The following BMPR2 variants were observed in gnomAD, a reference collection of about 807,000 sequenced individuals.
BMPR2 encodes the protein bone morphogenetic protein receptor type-2.
In BMPR2, 29 loss-of-function variants were observed where a neutral mutation model predicts 100.8. The ratio of observed to expected loss-of-function variants is 0.29; its 90% CI spans 0.21 to 0.39. The LOEUF (loss-of-function observed/expected upper bound fraction) is 0.39. Ranked by LOEUF, BMPR2 falls within the 10% of genes least tolerant of loss-of-function variation. The pLI is 1.00. For missense variants in BMPR2, 1,011 were observed against 1,274.5 expected (o/e 0.79, Z 3.15); for synonymous variants, 382 against 442.3 (o/e 0.86, Z 1.71).
Position 202,520,118 on chromosome 2 carries a change from C to G in BMPR2, c.884C>G (p.Thr295Arg). 1 of 1,612,580 alleles carries G rather than the reference C, an allele frequency of 6.2e-7. No homozygotes were observed. Among genetic ancestry groups the G allele is most frequent in the Non-Finnish European group, 8.5e-7 (1 of 1,179,764 alleles). The part of the protein sequence containing the change: ...GSLCKYLSLH[T>R]SDWVSSCRLA... ...TTATGCAAGTATTTAAGTCTCCACA[C>G]AAGTGACTGGGTAAGCTCTTGCCGT... is the stretch of plus-strand genomic sequence containing the variant. The change falls in exon 7 of 13, where the codon ACA becomes AGA. Residue 295 changes from threonine (T) to arginine (R), a missense_variant. Transcript: ENST00000374580.
intron 3 of BMPR2, among the ~76,000 whole-genome samples, chr2:202,510,982 GT>G (rs370738313): frequency 0.081 from 10,745 of 131,948 alleles, 453 homozygotes; most frequent in Middle Eastern, 0.15. Context: ...CCTGGCTTTA[GT>G]TTTTTTTTTT....
chr2:202,492,112 A>C (rs1031230089), intron 3 of BMPR2, among the ~76,000 whole-genome samples: 2 of 152,206 alleles, frequency 1.3e-5, no homozygotes, highest in African/African-American at 4.8e-5. Flanking sequence ...GCATTCAGTG[A>C]TAGTAATACT....
At chr2:202,541,949 TA>T (rs1263971376) in intron 9 of BMPR2, among the ~76,000 whole-genome samples, 3 of 151,830 alleles carry the variant, frequency 2.0e-5, no homozygotes, top group Admixed American at 2.0e-4. Flanking sequence ...CTATCTCTAC[TA>T]AAATATGAAA....
chr2:202,486,754 G>A (rs1692787012), intron 3 of BMPR2, among the ~76,000 whole-genome samples: 1 of 152,158 alleles, frequency 6.6e-6, no homozygotes, highest in African/African-American at 2.4e-5. Context: ...GACTGGGCAT[G>A]GTGGTTTACA....
In BMPR2 at chr2:202,456,063, C is replaced by CAAAAAAAA. The variant is rs750470872; in HGVS notation, c.77-8714_77-8707dup. On this transcript the variant is annotated intron_variant, in intron 1 of 12. Coordinates refer to ENST00000374580, the MANE Select transcript of BMPR2 (RefSeq NM_001204.7). ...CTGGGCAACAGGGTGAGACCCGTCTCAAAAAAAAAAAAAAAAAAAAAAAAA... is the reference window on the plus strand; with the variant it reads ...CTGGGCAACAGGGTGAGACCCGTCTCAAAAAAAAAAAAAAAAAAAAAAAAAAAAAAAAA... Among the ~76,000 whole-genome samples, 5 of 36,764 alleles carry CAAAAAAAA rather than the reference C, an allele frequency of 1.4e-4. 1 individual carries two copies. Among genetic ancestry groups the CAAAAAAAA allele is most frequent in the Admixed American group, 1.0e-3 (3 of 2,904 alleles). The allele number at this position is 36,764 out of a possible 152,430, so 24.1% of individuals were successfully genotyped here.
At chr2:202,496,553 T>C (rs1205833932) in intron 3 of BMPR2, among the ~76,000 whole-genome samples, 1 of 152,234 alleles carries the variant, frequency 6.6e-6, no homozygotes, top group African/African-American at 2.4e-5. Context: ...ACTTGTTCAC[T>C]GAAATGTTTT....
chr2:202,405,802 T>A (rs895234884), intron 1 of BMPR2, among the ~76,000 whole-genome samples: 3 of 151,914 alleles, frequency 2.0e-5, no homozygotes, highest in Admixed American at 6.6e-5. Context: ...TTTAAAAAAA[T>A]TTATCATCTA....
At chr2:202,434,898 AAAAAAAAAAAATATATAT>A (rs1202966612) in intron 1 of BMPR2, among the ~76,000 whole-genome samples, 13 of 66,018 alleles carry the variant, frequency 2.0e-4, no homozygotes, top group South Asian at 7.1e-4. Flanking sequence ...AAAAAAAAAA[AAAAAAAAAAAATATATAT>A]ATATATATAT....
At chr2:202,451,329 T>A (rs1432676031) in intron 1 of BMPR2, among the ~76,000 whole-genome samples, 1 of 152,216 alleles carries the variant, frequency 6.6e-6, no homozygotes, top group Non-Finnish European at 1.5e-5. Context: ...CTATATGTTG[T>A]CCTATTCAGC....
intron 1 of BMPR2, among the ~76,000 whole-genome samples, chr2:202,433,253 A>G (rs539274756): frequency 3.3e-5 from 5 of 150,554 alleles, no homozygotes; most frequent in Admixed American, 6.6e-5. Context: ...GAGTAAGTAG[A>G]TAGGTAGGTA....
At chr2:202,497,010 G>A (rs1426476461) in intron 3 of BMPR2, among the ~76,000 whole-genome samples, 5 of 152,246 alleles carry the variant, frequency 3.3e-5, no homozygotes, top group East Asian at 1.9e-4. Flanking sequence ...CGGAGCAGCC[G>A]GCCAGCCCTG....
At chr2:202,418,953 G>C (rs1005515851) in intron 1 of BMPR2, among the ~76,000 whole-genome samples, 2 of 152,166 alleles carry the variant, frequency 1.3e-5, no homozygotes, top group Non-Finnish European at 2.9e-5. Context: ...CATATTTGGG[G>C]TTAAAATATT....
chr2:202,566,451 C>G lies in BMPR2; in HGVS notation c.*6505C>G, dbSNP rs886055493. ...ATTAATTATAAAAAGTTGCCCAGTT[C>G]TGTAATTACTGAACAGAGGGAATGA... is the stretch of plus-strand genomic sequence containing the variant. On this transcript the variant is annotated 3_prime_UTR_variant, in exon 13 of 13. Transcript: ENST00000374580. 2.0e-5 allele frequency: 3 copies of G among 152,554 alleles called. No homozygotes were observed. The highest frequency in any genetic ancestry group is 4.4e-5 in the Non-Finnish European group (3 of 68,002). The allele number at this position is 152,554 out of a possible 1,614,324, so 9.5% of individuals were successfully genotyped here.
intron 3 of BMPR2, 89 bp from the exon 4 acceptor site, chr2:202,513,630 G>T: frequency 1.1e-5 from 10 of 882,094 alleles, no homozygotes; most frequent in South Asian, 4.3e-5. Flanking sequence ...ATTATACATG[G>T]GTACAGCCTT....
intron 1 of BMPR2, among the ~76,000 whole-genome samples, chr2:202,379,601 G>T (rs1315653320): frequency 6.6e-6 from 1 of 152,186 alleles, no homozygotes; most frequent in African/African-American, 2.4e-5. Context: ...GCCTAATATT[G>T]AAGTGGCTAG....
intron 1 of BMPR2, among the ~76,000 whole-genome samples, chr2:202,386,881 C>T (rs1282579541): frequency 2.0e-5 from 3 of 152,102 alleles, no homozygotes; most frequent in Non-Finnish European, 2.9e-5. Flanking sequence ...GACGGGATTT[C>T]ACTGTGTTAG....
At chr2:202,470,934 CTG>C in intron 3 of BMPR2, among the ~76,000 whole-genome samples, 1 of 152,238 alleles carries the variant, frequency 6.6e-6, no homozygotes, top group South Asian at 2.1e-4. Flanking sequence ...TGGCACACGC[CTG>C]TAGTCCCAGC....
intron 1 of BMPR2, among the ~76,000 whole-genome samples, chr2:202,435,375 ACATATATATATATATAT>A (rs1438266502): frequency 5.2e-5 from 4 of 77,322 alleles, no homozygotes; most frequent in African/African-American, 1.9e-4. Context: ...AAAAAAAAAT[ACATATATATATATATAT>A]ATATATATAT....
intron 3 of BMPR2, among the ~76,000 whole-genome samples, chr2:202,469,327 C>T (rs905418900): frequency 1.3e-5 from 2 of 152,060 alleles, no homozygotes; most frequent in African/African-American, 4.8e-5. Flanking sequence ...CGTACTCGGC[C>T]TGAGTGTAGC....
Sources: allele counts gnomAD v4.1 joint callset (sites outside exome capture counted in the v4.1 genomes callset), GRCh38; gene constraint gnomAD v4.1.1; transcripts MANE v1.5; gene names NCBI Gene and HGNC (gene_info 2026-07-23, HGNC 2026-07-21).